The following TTC34 variants were observed in gnomAD, a reference collection of about 807,000 sequenced individuals.
TTC34 encodes tetratricopeptide repeat protein 34.
Under a neutral mutation model 40.7 loss-of-function variants are expected in TTC34, and 44 were observed. That is an observed-to-expected ratio of 1.08 (90% CI 0.85 to 1.39). The LOEUF (loss-of-function observed/expected upper bound fraction) is 1.39. TTC34 is among the 40% of genes most tolerant of loss of function. TTC34 has a pLI of 0.00. For missense variants in TTC34, 884 were observed against 838.0 expected, an observed-to-expected ratio of 1.05 and a Z score of -0.68; for synonymous variants, 422 against 398.6, an observed-to-expected ratio of 1.06 and a Z score of -0.70.
At chr1:2,687,488 T>G (rs61765679) in intron 6 of TTC34, among the ~76,000 whole-genome samples, 1 of 30,902 alleles carries the variant, frequency 3.2e-5, no homozygotes, top group African/African-American at 1.7e-4. Context: ...ACCCACACAC[T>G]CAGGCGAGCA....
chr1:2,695,328 ATCCGACATCCTGAAACAGCT>A (rs1366504330), intron 6 of TTC34, among the ~76,000 whole-genome samples: 16 of 96,122 alleles, frequency 1.7e-4, no homozygotes, highest in Non-Finnish European at 2.7e-4. Context: ...CCAGGTGAGC[ATCCGACATCCTGAAACAGCT>A]CCCACACCCC....
chr1:2,752,213 C>T (rs1181541046), intron 6 of TTC34, among the ~76,000 whole-genome samples: 1 of 121,032 alleles, frequency 8.3e-6, no homozygotes, highest in Non-Finnish European at 1.7e-5. Context: ...CCCACACCCC[C>T]AGGTGAGCAT....
chr1:2,694,070 C>A (rs1475114328), intron 6 of TTC34, among the ~76,000 whole-genome samples: 1 of 149,616 alleles, frequency 6.7e-6, no homozygotes, highest in Non-Finnish European at 1.5e-5. Flanking sequence ...ACCCACACAC[C>A]CAGGTGAGCA....
At chr1:2,695,034 C>G (rs556878752) in intron 6 of TTC34, among the ~76,000 whole-genome samples, 4 of 100,342 alleles carry the variant, frequency 4.0e-5, no homozygotes, top group Admixed American at 3.2e-4. Flanking sequence ...CACCCTGCAC[C>G]CCCAGGTGAG....
intron 6 of TTC34, among the ~76,000 whole-genome samples, chr1:2,752,641 C>T (rs1557639870): frequency 8.3e-6 from 1 of 120,776 alleles, no homozygotes; most frequent in Admixed American, 8.5e-5. Context: ...CACCCTGGAA[C>T]TGCACACACA....
intron 6 of TTC34, among the ~76,000 whole-genome samples, chr1:2,691,704 C>G (rs558919734): frequency 1.1e-5 from 1 of 92,678 alleles, no homozygotes; most frequent in Non-Finnish European, 2.6e-5. Context: ...GCACCCACAT[C>G]CCCAGGTGAG....
Position 2,788,510 on chromosome 1 carries a change from T to G in TTC34, c.1629-804A>C, listed in dbSNP as rs1569967330. On this transcript the variant is annotated intron_variant, in intron 3 of 8. Coordinates refer to ENST00000401095, the Ensembl canonical transcript of TTC34. ...AACCGCCCCCACCCCCCGGACTCAGTGCTTTTAACTTTGCTGAAACCCCTT... is the reference window on the plus strand; with the variant it reads ...AACCGCCCCCACCCCCCGGACTCAGGGCTTTTAACTTTGCTGAAACCCCTT... Among the ~76,000 whole-genome samples the G allele has an allele frequency of 2.6e-5, 4 of 152,110 alleles. No homozygotes were observed. In the East Asian group the frequency reaches 7.7e-4, roughly 29 times the overall value.
chr1:2,786,810 C>T (rs936427659), intron 4 of TTC34, among the ~76,000 whole-genome samples: 1 of 152,198 alleles, frequency 6.6e-6, no homozygotes, highest in East Asian at 1.9e-4. Flanking sequence ...CTGCCCCCTG[C>T]TGGCTGCTGG....
chr1:2,685,262 G>A (rs1570810373), intron 6 of TTC34, among the ~76,000 whole-genome samples: 3 of 96,050 alleles, frequency 3.1e-5, no homozygotes, highest in African/African-American at 4.7e-5. Context: ...CTGAGAGCCT[G>A]GAACAGCACC....
chr1:2,769,782 G>A (rs1299943723), intron 6 of TTC34, among the ~76,000 whole-genome samples: 2 of 129,786 alleles, frequency 1.5e-5, no homozygotes, highest in African/African-American at 3.2e-5. Flanking sequence ...GCGTGGAGCA[G>A]CGCCCACACC....
Position 2,647,981 on chromosome 1 carries a change from T to G in TTC34, c.2227-2418A>C, listed in dbSNP as rs144187479. The stretch of plus-strand genomic sequence containing the variant: ...TTCCAGATATGCTGCGTTTCAGATC[T>G]AGGATCTCCACTTGATTATTACTGT... On this transcript the variant is annotated intron_variant, in intron 6 of 8. Transcript: ENST00000401095. 9.5e-3 allele frequency among the ~76,000 whole-genome samples: 1,439 copies of G among 151,780 alleles called. 30 individuals carry two copies. The highest frequency in any genetic ancestry group is 0.033 in the African/African-American group (1,368 of 41,278).
chr1:2,694,859 G>A lies in TTC34; in HGVS notation c.2227-49296C>T, dbSNP rs528132107. Among the ~76,000 whole-genome samples, 7 of 61,628 alleles carry A rather than the reference G, an allele frequency of 1.1e-4. 1 individual carries two copies. The East Asian group carries it at 2.6e-3, about 23-fold the overall frequency. The allele number at this position is 61,628 out of a possible 152,430, so 40.4% of individuals were successfully genotyped here. On this transcript the variant is annotated intron_variant, in intron 6 of 8. Transcript: ENST00000401095. The stretch of plus-strand genomic sequence containing the variant: ...CCAGGTGAGCATCTGATGGTCTGGA[G>A]CAGCACCCACAACCACAGGTGAGCA...
intron 6 of TTC34, among the ~76,000 whole-genome samples, chr1:2,686,837 C>G (rs1212207494): frequency 3.9e-3 from 35 of 8,912 alleles, no homozygotes; most frequent in East Asian, 7.9e-3. Context: ...GGAGCAGCAC[C>G]CCACACCCCC....
At chr1:2,651,956 C>G (rs1046035334) in intron 6 of TTC34, among the ~76,000 whole-genome samples, 1 of 152,092 alleles carries the variant, frequency 6.6e-6, no homozygotes, top group Non-Finnish European at 1.5e-5. Flanking sequence ...TGAAGCAGCA[C>G]CTTCCACCTC....
chr1:2,647,255 T>C (rs1570748165), intron 6 of TTC34, among the ~76,000 whole-genome samples: 4 of 152,316 alleles, frequency 2.6e-5, no homozygotes, highest in Admixed American at 2.6e-4. Context: ...GGGAGTCCAA[T>C]CACATGTATG....
chr1:2,769,626 C>T (rs1641976485), intron 6 of TTC34, among the ~76,000 whole-genome samples: 1 of 138,042 alleles, frequency 7.2e-6, no homozygotes. Context: ...GAACAGCACC[C>T]ACACCCCCAG....
chr1:2,652,071 G>T (rs55790383), intron 6 of TTC34, among the ~76,000 whole-genome samples: 1 of 22,152 alleles, frequency 4.5e-5, no homozygotes, highest in African/African-American at 1.9e-4. Context: ...ACAGCCTGGA[G>T]GAGCACCCAC....
In TTC34 at chr1:2,771,427, A is replaced by T. The variant is rs866895965; in HGVS notation, c.2226+12182T>A. ...TCTTCCAGGTGAGAATCTGACACATAAAACAGCACCCTGCAACCCCAGGTG... is the reference window on the plus strand; with the variant it reads ...TCTTCCAGGTGAGAATCTGACACATTAAACAGCACCCTGCAACCCCAGGTG... On this transcript the variant is annotated intron_variant, in intron 6 of 8. Transcript: ENST00000401095. Among the ~76,000 whole-genome samples, 5 of 72,160 alleles carry T rather than the reference A, an allele frequency of 6.9e-5. 2 individuals are homozygous for T. The highest frequency in any genetic ancestry group is 6.3e-4 in the Admixed American group (5 of 7,994). The allele number at this position is 72,160 out of a possible 152,430, so 47.3% of individuals were successfully genotyped here.
intron 6 of TTC34, among the ~76,000 whole-genome samples, chr1:2,652,326 C>A (rs995039571): frequency 6.6e-6 from 1 of 151,256 alleles, no homozygotes; most frequent in African/African-American, 2.4e-5. Flanking sequence ...GCACCCACAC[C>A]CCCAGGTGAG....
Sources: allele counts gnomAD v4.1 joint callset (sites outside exome capture counted in the v4.1 genomes callset), GRCh38; gene constraint gnomAD v4.1.1; transcripts MANE v1.5; gene names NCBI Gene and HGNC (gene_info 2026-07-23, HGNC 2026-07-21).